RBFOX1: variants seen among roughly 807,000 people sequenced by gnomAD.
RBFOX1 encodes RNA binding protein fox-1 homolog 1.
A neutral mutation model predicts 57.7 loss-of-function variants in RBFOX1; 8 were observed. The ratio of observed to expected loss-of-function variants is 0.14; its 90% CI spans 0.08 to 0.25. The LOEUF (loss-of-function observed/expected upper bound fraction) is 0.25, where lower values mean the gene tolerates loss of function less well. Ranked by LOEUF, RBFOX1 falls within the 10% of genes least tolerant of loss-of-function variation. The pLI is 1.00. For synonymous variants in RBFOX1, 326 were observed against 222.4 expected, an observed-to-expected ratio of 1.47 and a Z score of -4.15; for missense variants, 611 against 548.5, an observed-to-expected ratio of 1.11 and a Z score of -1.14.
chr16:6,426,369 A>T (rs928671311), intron 2 of RBFOX1, among the ~76,000 whole-genome samples: 1 of 152,116 alleles, frequency 6.6e-6, no homozygotes, highest in Non-Finnish European at 1.5e-5. Context: ...AGGGAGGGAG[A>T]AGGAAAGTGT....
intron 3 of RBFOX1, among the ~76,000 whole-genome samples, chr16:5,864,307 C>G (rs1174922205): frequency 6.6e-6 from 1 of 152,154 alleles, no homozygotes; most frequent in African/African-American, 2.4e-5. Context: ...ATTTTTTATC[C>G]TGGTTTAAAC....
At chr16:5,757,571 A>G (rs1413551148) in intron 3 of RBFOX1, among the ~76,000 whole-genome samples, 1 of 152,094 alleles carries the variant, frequency 6.6e-6, no homozygotes, top group Non-Finnish European at 1.5e-5. Context: ...AGAACACATC[A>G]TTTCAACTGA....
At chr16:7,123,582 C>A (rs1244949884) in intron 4 of RBFOX1, among the ~76,000 whole-genome samples, 4 of 152,054 alleles carry the variant, frequency 2.6e-5, no homozygotes, top group African/African-American at 9.7e-5. Context: ...CCAGGTTGGT[C>A]TCAAATTCCT....
At chr16:7,455,161 G>C (rs532221821) in intron 4 of RBFOX1, among the ~76,000 whole-genome samples, 1 of 152,202 alleles carries the variant, frequency 6.6e-6, no homozygotes, top group Admixed American at 6.5e-5. Flanking sequence ...GAAGCAGCTA[G>C]ATTTTGATTG....
chr16:5,869,465 A>G (rs1352828274), intron 4 of RBFOX1, among the ~76,000 whole-genome samples: 3 of 152,258 alleles, frequency 2.0e-5, no homozygotes, highest in African/African-American at 7.2e-5. Flanking sequence ...ACAGTGGCAC[A>G]ATCTCGGCTC....
At chr16:6,622,293 A>G (rs1354179803) in intron 2 of RBFOX1, among the ~76,000 whole-genome samples, 1 of 152,182 alleles carries the variant, frequency 6.6e-6, no homozygotes, top group Non-Finnish European at 1.5e-5. Context: ...ATAAGATTAT[A>G]ATGGAATTGC....
intron 4 of RBFOX1, among the ~76,000 whole-genome samples, chr16:5,891,620 G>A (rs2058046452): frequency 6.6e-6 from 1 of 152,144 alleles, no homozygotes; most frequent in Non-Finnish European, 1.5e-5. Context: ...GCTGGGTGAG[G>A]GTGCACCAGG....
intron 1 of RBFOX1, among the ~76,000 whole-genome samples, chr16:5,313,848 G>T (rs528035582): frequency 6.6e-6 from 1 of 152,186 alleles, no homozygotes; most frequent in African/African-American, 2.4e-5. Flanking sequence ...TTTGGATTGG[G>T]GACACAGCCA....
chr16:6,927,714 GGCTGATTATAAGTCAGT>G (rs959589561), intron 3 of RBFOX1, among the ~76,000 whole-genome samples: 113 of 140,142 alleles, frequency 8.1e-4, no homozygotes, highest in African/African-American at 3.3e-3. Context: ...ACTGTAGCAA[GGCTGATTATAAGTCAGT>G]GCCCTATGTA....
chr16:5,901,344 C>T (rs1030853318), intron 4 of RBFOX1, among the ~76,000 whole-genome samples: 1 of 152,156 alleles, frequency 6.6e-6, no homozygotes, highest in Non-Finnish European at 1.5e-5. Flanking sequence ...TTTTATAATT[C>T]ACCTTGCACC....
chr16:6,365,486 G>A (rs1042478670), intron 2 of RBFOX1, among the ~76,000 whole-genome samples: 2 of 152,116 alleles, frequency 1.3e-5, no homozygotes, highest in African/African-American at 2.4e-5. Context: ...ATGGGTAGGT[G>A]TATGGATACC....
intron 3 of RBFOX1, among the ~76,000 whole-genome samples, chr16:5,846,894 A>G (rs1865809): frequency 0.062 from 9,508 of 152,298 alleles, 356 homozygotes; most frequent in Non-Finnish European, 0.083. Context: ...CAGCCCAGCC[A>G]TGCACATAAA....
chr16:5,504,868 G>T (rs1342962630), intron 2 of RBFOX1, among the ~76,000 whole-genome samples: 1 of 152,212 alleles, frequency 6.6e-6, no homozygotes, highest in Non-Finnish European at 1.5e-5. Flanking sequence ...AAGGAAGGAG[G>T]CCATTCCAGG....
chr16:7,100,946 T>C (rs537319385), intron 4 of RBFOX1, among the ~76,000 whole-genome samples: 8 of 152,330 alleles, frequency 5.3e-5, no homozygotes, highest in African/African-American at 1.9e-4. Flanking sequence ...GTGAAAGTGA[T>C]TGTACTTTAT....
At chr16:5,632,447 T>C (rs2048541866) in intron 3 of RBFOX1, 1 of 152,230 alleles carries the variant, frequency 6.6e-6, no homozygotes, top group African/African-American at 2.4e-5. Flanking sequence ...AGATGAAAAG[T>C]GCATAGCATA....
At chr16:7,605,800 G>A (rs530659803) in intron 9 of RBFOX1, among the ~76,000 whole-genome samples, 2 of 152,254 alleles carry the variant, frequency 1.3e-5, no homozygotes, top group East Asian at 1.9e-4. Context: ...CAAGGACTCA[G>A]AGCAAAGGAC....
At chr16:7,077,190 C>T (rs2058443024) in intron 4 of RBFOX1, among the ~76,000 whole-genome samples, 1 of 152,164 alleles carries the variant, frequency 6.6e-6, no homozygotes, top group Non-Finnish European at 1.5e-5. Flanking sequence ...CAGCTGCGCA[C>T]ATAATGCTCC....
intron 4 of RBFOX1, among the ~76,000 whole-genome samples, chr16:7,144,426 T>C (rs1422592333): frequency 7.1e-6 from 1 of 140,076 alleles, no homozygotes; most frequent in African/African-American, 2.6e-5. Context: ...TCTTTTTTTT[T>C]TTTTTTTTTT....
intron 1 of RBFOX1, among the ~76,000 whole-genome samples, chr16:6,225,436 A>G (rs951172521): frequency 2.0e-5 from 3 of 152,178 alleles, no homozygotes; most frequent in Non-Finnish European, 4.4e-5. Context: ...GATCAACCCT[A>G]TCTGGAATGT....
Sources: gnomAD v4.1 joint callset for allele counts (sites outside exome capture counted in the v4.1 genomes callset) on GRCh38, gnomAD v4.1.1 for gene constraint, MANE v1.5 for transcripts, NCBI Gene and HGNC (gene_info 2026-07-23, HGNC 2026-07-21) for gene names.